MBOAT1: variants seen among roughly 807,000 people sequenced by gnomAD.
The protein encoded by MBOAT1 is membrane bound glycerophospholipid O-acyltransferase 1.
MBOAT1 carries 67 observed loss-of-function variants against 64.4 expected under a neutral mutation model. The ratio of observed to expected loss-of-function variants is 1.04; its 90% confidence interval spans 0.85 to 1.27. The LOEUF (loss-of-function observed/expected upper bound fraction) is 1.27, where lower values mean the gene tolerates loss of function less well. Ranked by LOEUF, MBOAT1 falls within the 50% of genes most tolerant of loss-of-function variation. MBOAT1 has a pLI of 0.00. For synonymous variants in MBOAT1, 229 were observed against 218.9 expected, an observed-to-expected ratio of 1.05 and a Z score of -0.41; for missense variants, 563 against 604.6, an observed-to-expected ratio of 0.93 and a Z score of 0.72.
At chr6:20,186,624 G>A (rs1762662816) in intron 1 of MBOAT1, among the ~76,000 whole-genome samples, 1 of 152,242 alleles carries the variant, frequency 6.6e-6, no homozygotes, top group African/African-American at 2.4e-5. Flanking sequence ...TTGGGGCAGA[G>A]TCCTGGGGGA....
At chr6:20,183,673 G>C (rs1228522284) in intron 1 of MBOAT1, among the ~76,000 whole-genome samples, 2 of 152,198 alleles carry the variant, frequency 1.3e-5, no homozygotes, top group Non-Finnish European at 2.9e-5. Context: ...ACAGTACCCA[G>C]AACAGTTGTG....
At chr6:20,128,775 A>T (rs1182117530) in intron 5 of MBOAT1, 22 bp from the exon 6 acceptor site, 1 of 1,567,944 alleles carries the variant, frequency 6.4e-7, no homozygotes, top group South Asian at 1.2e-5. Context: ...AAAAGAATTT[A>T]GAAATAAGAT....
At chr6:20,126,279 A>G (rs1215314350) in intron 7 of MBOAT1, among the ~76,000 whole-genome samples, 2 of 152,218 alleles carry the variant, frequency 1.3e-5, no homozygotes, top group African/African-American at 2.4e-5. Context: ...TGCACTAAAT[A>G]TTGACTGATG....
chr6:20,176,635 A>AT (rs1420140305), intron 1 of MBOAT1, among the ~76,000 whole-genome samples: 2 of 151,860 alleles, frequency 1.3e-5, no homozygotes, highest in African/African-American at 2.4e-5. Flanking sequence ...CTAATTTTTA[A>AT]TTTTTTTTGA....
chr6:20,131,095 T>TG, intron 5 of MBOAT1, 49 bp downstream of exon 5: 1 of 1,489,198 alleles, frequency 6.7e-7, no homozygotes, highest in Non-Finnish European at 9.4e-7. Context: ...AGAAGAGCTC[T>TG]GCATGTCAGG....
intron 1 of MBOAT1, among the ~76,000 whole-genome samples, chr6:20,194,134 G>C (rs1028983083): frequency 7.0e-6 from 1 of 142,688 alleles, no homozygotes; most frequent in African/African-American, 2.6e-5. Flanking sequence ...AAAAAAAAAA[G>C]CACGCATTTT....
chr6:20,194,190 TATTAG>T (rs956902322), intron 1 of MBOAT1, among the ~76,000 whole-genome samples: 2 of 152,178 alleles, frequency 1.3e-5, no homozygotes, highest in Non-Finnish European at 2.9e-5. Flanking sequence ...ACAGAAAAAT[TATTAG>T]AATAACACAG....
chr6:20,192,504 A>C (rs975737198), intron 1 of MBOAT1, among the ~76,000 whole-genome samples: 1 of 152,222 alleles, frequency 6.6e-6, no homozygotes, highest in African/African-American at 2.4e-5. Context: ...ATTTCAGTGG[A>C]GTCTGACAAT....
At position 20,124,438 on chromosome 6, in the gene MBOAT1, T is replaced by G. The variant is rs776710418; in HGVS notation, c.877A>C (p.Lys293Gln). Reference protein sequence around the residue: ...CYLYVVMQASKPKYYFAWTLA... With the variant: ...CYLYVVMQASQPKYYFAWTLA... ...GTCCATGCAAAGTAATACTTGGGCT[T>G]TGAGGCTTGCATGACAACATATAAG... Residue 293 changes from lysine (K) to glutamine (Q), a missense_variant, in exon 8 of 13, where the codon AAG becomes CAG. Transcript: ENST00000324607. The G allele has an allele frequency of 6.2e-7, 1 of 1,614,172 alleles. No individual in the cohort carries two copies. Among genetic ancestry groups the G allele is most frequent in the Middle Eastern group, 1.6e-4 (1 of 6,062 alleles).
In MBOAT1 at chr6:20,126,556, C is replaced by T. The variant is rs1760656646; in HGVS notation, c.675G>A (p.Lys225=). Residue 225 remains lysine, a synonymous_variant, in exon 7 of 13, where the codon AAG becomes AAA. Coordinates refer to ENST00000324607, the MANE Select transcript of MBOAT1 (RefSeq NM_001080480.3). ...IHMKLLEVNW[K]RKGFHSLPEP... ...CTGGCAAGCTGTGGAAACCTTTTCG[C>T]TTCCAGTTCACCTCCAGCAACTTCA... The T allele has an allele frequency of 1.2e-6, 2 of 1,612,896 alleles. No homozygotes were observed. The highest frequency in any genetic ancestry group is 1.7e-6 in the Non-Finnish European group (2 of 1,179,786).
intron 9 of MBOAT1, among the ~76,000 whole-genome samples, chr6:20,117,883 G>A (rs1760374649): frequency 2.0e-5 from 3 of 152,126 alleles, no homozygotes; most frequent in Admixed American, 6.5e-5. Flanking sequence ...TGGCCCCAAG[G>A]AGCCACCTCT....
intron 1 of MBOAT1, among the ~76,000 whole-genome samples, chr6:20,157,074 G>A (rs1235490142): frequency 6.6e-6 from 1 of 152,064 alleles, no homozygotes; most frequent in Non-Finnish European, 1.5e-5. Flanking sequence ...CTTGACACCA[G>A]GAGTTTGAGA....
At chr6:20,104,728 T>C (rs970038602) in intron 12 of MBOAT1, among the ~76,000 whole-genome samples, 11 of 152,230 alleles carry the variant, frequency 7.2e-5, no homozygotes, top group African/African-American at 2.7e-4. Flanking sequence ...CACATTAGAA[T>C]CAGATAACTC....
chr6:20,146,125 C>A (rs985073696), intron 3 of MBOAT1, among the ~76,000 whole-genome samples: 1 of 152,074 alleles, frequency 6.6e-6, no homozygotes, highest in Admixed American at 6.5e-5. Flanking sequence ...TAAGTGGTTC[C>A]GGAGCCCATC....
chr6:20,168,755 A>G (rs376450833), intron 1 of MBOAT1, among the ~76,000 whole-genome samples: 12 of 93,014 alleles, frequency 1.3e-4, no homozygotes, highest in East Asian at 3.7e-4. Context: ...GGGAGGAAGG[A>G]AGGGAGGGAG....
intron 1 of MBOAT1, among the ~76,000 whole-genome samples, chr6:20,200,406 A>T (rs891685094): frequency 1.3e-5 from 2 of 152,192 alleles, no homozygotes; most frequent in Non-Finnish European, 2.9e-5. Flanking sequence ...CTAAGGTTGA[A>T]GGTCTTGAAA....
At chr6:20,193,907 T>C (rs1762878971) in intron 1 of MBOAT1, among the ~76,000 whole-genome samples, 1 of 152,212 alleles carries the variant, frequency 6.6e-6, no homozygotes, top group South Asian at 2.1e-4. Flanking sequence ...GCCCAGCCAA[T>C]CCTTTGTATC....
At chr6:20,183,319 C>T (rs773580464) in intron 1 of MBOAT1, among the ~76,000 whole-genome samples, 3 of 152,184 alleles carry the variant, frequency 2.0e-5, no homozygotes, top group Non-Finnish European at 2.9e-5. Flanking sequence ...GTGAGGATAT[C>T]CCCAGCCCTC....
At position 20,144,211 on chromosome 6, in the gene MBOAT1, G is replaced by A. The variant is rs563324187; in HGVS notation, c.419+9C>T. 1 of 1,586,438 alleles carries A rather than the reference G, an allele frequency of 6.3e-7. No homozygotes were observed. Among genetic ancestry groups the A allele is most frequent in the East Asian group, 2.2e-5 (1 of 44,718 alleles). ...AGTAAAACCCCTCTCTCTAATGTAA[G>A]ATACTTACCCAGAAAAATCCGTAGT... On this transcript the variant is annotated intron_variant, in intron 4 of 12. Coordinates refer to ENST00000324607, the MANE Select transcript of MBOAT1 (RefSeq NM_001080480.3).
Sources: allele counts gnomAD v4.1 joint callset (sites outside exome capture counted in the v4.1 genomes callset), GRCh38; gene constraint gnomAD v4.1.1; transcripts MANE v1.5; gene names NCBI Gene and HGNC (gene_info 2026-07-23, HGNC 2026-07-21).